The following RAB10 variants were observed in gnomAD, a reference collection of about 807,000 sequenced individuals.
The protein encoded by RAB10 is RAB10, member RAS oncogene family.
A neutral mutation model predicts 25.7 loss-of-function variants in RAB10; 5 were observed. The ratio of observed to expected loss-of-function variants is 0.19; its 90% CI spans 0.10 to 0.41. RAB10 has a LOEUF of 0.41. RAB10 is among the 10% of genes least tolerant of loss of function. RAB10 has a pLI of 1.00. For synonymous variants in RAB10, 89 were observed against 86.4 expected, an observed-to-expected ratio of 1.03 and a Z score of -0.16; for missense variants, 103 against 245.8, an observed-to-expected ratio of 0.42 and a Z score of 3.89.
intron 2 of RAB10, among the ~76,000 whole-genome samples, chr2:26,107,245 CAAAAAAAAAA>C (rs57391958): frequency 7.5e-5 from 5 of 66,812 alleles, no homozygotes; most frequent in Non-Finnish European, 1.6e-4. Context: ...CACCCTGTTT[CAAAAAAAAAA>C]AAAAAAAAAA....
rs1444000428 is a variant in RAB10, at chr2:26,127,200, C to G, written c.384C>G (p.Asp128Glu). 2 of 1,602,660 alleles carry G rather than the reference C, an allele frequency of 1.2e-6. No homozygotes were observed. Among genetic ancestry groups the G allele is most frequent in the Non-Finnish European group, 1.7e-6 (2 of 1,176,486 alleles). ...MLLGNKCDMD[D>E]KRVVPKGKGE... ...TAGGAAACAAGTGTGATATGGACGA[C>G]AAAAGAGTTGTACCTAAAGGAAAAG... Residue 128 changes from aspartate (D) to glutamate (E), a missense_variant, in exon 4 of 6, where the codon GAC becomes GAG. Physicochemically the swap from Asp to Glu is conservative, Grantham distance 45. This residue lies in a region of RAB10 where 79 missense variants were observed against 217.8 expected (regional missense o/e 0.36). Coordinates refer to ENST00000264710, the MANE Select transcript of RAB10 (RefSeq NM_016131.5).
chr2:26,077,180 A>G (rs940781938), intron 1 of RAB10, among the ~76,000 whole-genome samples: 3 of 152,174 alleles, frequency 2.0e-5, no homozygotes, highest in African/African-American at 7.2e-5. Flanking sequence ...AAAGCATTTG[A>G]TTTTTTAAAA....
chr2:26,087,463 C>T (rs1358491251), intron 1 of RAB10, among the ~76,000 whole-genome samples: 3 of 152,216 alleles, frequency 2.0e-5, no homozygotes, highest in African/African-American at 4.8e-5. Context: ...AGTGCAATGG[C>T]GCAATCTCGG....
At position 26,034,529 on chromosome 2, in the gene RAB10, C is replaced by G; in HGVS notation, c.-80C>G. 6.3e-7 allele frequency: 1 copy of G among 1,581,620 alleles called. No individual in the cohort carries two copies. The highest frequency in any genetic ancestry group is 2.2e-5 in the East Asian group (1 of 44,546). On this transcript the variant is annotated 5_prime_UTR_variant, in exon 1 of 6. Transcript: ENST00000264710. Reference sequence around the variant, plus strand: ...TCCCCGGTCCTCCGGCCTGAGAACGCCCGAGTGAGGAGTTGGCCGTAGTGA... The same window carrying G: ...TCCCCGGTCCTCCGGCCTGAGAACGGCCGAGTGAGGAGTTGGCCGTAGTGA...
chr2:26,038,133 G>T (rs568174023), intron 1 of RAB10, among the ~76,000 whole-genome samples: 1 of 151,702 alleles, frequency 6.6e-6, no homozygotes, highest in South Asian at 2.1e-4. Context: ...TGATCTGCCC[G>T]CCTCAGCGTC....
intron 3 of RAB10, among the ~76,000 whole-genome samples, chr2:26,119,620 C>G (rs1027069581): frequency 2.0e-5 from 3 of 151,942 alleles, no homozygotes; most frequent in Non-Finnish European, 2.9e-5. Context: ...CTCCTGAGCT[C>G]AAGCTATCCT....
At chr2:26,064,324 T>C (rs1218893261) in intron 1 of RAB10, among the ~76,000 whole-genome samples, 1 of 152,124 alleles carries the variant, frequency 6.6e-6, no homozygotes, top group African/African-American at 2.4e-5. Context: ...AAAATAGTTT[T>C]TGTAGAGTGT....
chr2:26,088,078 ATT>A (rs2149276341), intron 1 of RAB10, among the ~76,000 whole-genome samples: 1 of 152,276 alleles, frequency 6.6e-6, no homozygotes, highest in South Asian at 2.1e-4. Context: ...AAAACACTTG[ATT>A]TTCACTTGTT....
chr2:26,043,797 A>G (rs540296311), intron 1 of RAB10, among the ~76,000 whole-genome samples: 1 of 152,328 alleles, frequency 6.6e-6, no homozygotes, highest in East Asian at 1.9e-4. Flanking sequence ...GAAGGATGAA[A>G]AAGTTCCAGA....
intron 1 of RAB10, among the ~76,000 whole-genome samples, chr2:26,063,094 G>A (rs925500258): frequency 1.4e-5 from 2 of 143,054 alleles, no homozygotes; most frequent in East Asian, 2.0e-4. Context: ...CACCTTGGGC[G>A]ACAAGAGTGA....
At position 26,127,220 on chromosome 2, in the gene RAB10, G is replaced by C. The variant is rs752026024; in HGVS notation, c.404G>C (p.Gly135Ala). 1.3e-6 allele frequency: 2 copies of C among 1,595,222 alleles called. No individual in the cohort carries two copies. Among genetic ancestry groups the C allele is most frequent in the Non-Finnish European group, 1.7e-6 (2 of 1,171,334 alleles). The change falls in exon 4 of 6, where the codon GGA becomes GCA. Residue 135 changes from glycine to alanine, a missense_variant. Around this residue, in one of 2 missense-constraint regions of RAB10, gnomAD observed 79 missense variants for 217.8 expected, o/e 0.36. Coordinates refer to ENST00000264710, the MANE Select transcript of RAB10 (RefSeq NM_016131.5). ...GACGACAAAAGAGTTGTACCTAAAG[G>C]AAAAGGAGAACAGGTAAAAATCTGA... is the stretch of plus-strand genomic sequence containing the variant. Reference protein sequence around the residue: ...DMDDKRVVPKGKGEQIAREHG... With the variant: ...DMDDKRVVPKAKGEQIAREHG...
intron 1 of RAB10, among the ~76,000 whole-genome samples, chr2:26,054,947 C>A (rs1666222729): frequency 6.6e-6 from 1 of 151,224 alleles, no homozygotes; most frequent in African/African-American, 2.4e-5. Flanking sequence ...CGTCACTGCA[C>A]TGCAGCCTGG....
At chr2:26,117,887 C>A (rs1015492963) in intron 3 of RAB10, among the ~76,000 whole-genome samples, 1 of 152,134 alleles carries the variant, frequency 6.6e-6, no homozygotes, top group Non-Finnish European at 1.5e-5. Flanking sequence ...TTTAGAGAAA[C>A]GTACTTTGGA....
At chr2:26,125,700 A>G (rs1667889734) in intron 3 of RAB10, among the ~76,000 whole-genome samples, 1 of 152,030 alleles carries the variant, frequency 6.6e-6, no homozygotes, top group South Asian at 2.1e-4. Context: ...TTTTCCTGAC[A>G]GCCTCCCAAA....
chr2:26,103,543 TA>T (rs1667387383), intron 2 of RAB10, among the ~76,000 whole-genome samples: 1 of 152,250 alleles, frequency 6.6e-6, no homozygotes, highest in Non-Finnish European at 1.5e-5. Flanking sequence ...TTTTTACTTT[TA>T]TTTTTTTGGA....
intron 3 of RAB10, among the ~76,000 whole-genome samples, chr2:26,111,111 A>G (rs912727827): frequency 3.9e-5 from 6 of 152,148 alleles, no homozygotes; most frequent in Non-Finnish European, 7.4e-5. Context: ...CCTTATTGCT[A>G]CCTTCTAGGC....
intron 1 of RAB10, among the ~76,000 whole-genome samples, chr2:26,035,461 C>T (rs1455439099): frequency 1.3e-5 from 2 of 152,198 alleles, no homozygotes; most frequent in African/African-American, 4.8e-5. Flanking sequence ...CAGTCATAGC[C>T]CTATGGACTT....
chr2:26,124,539 T>C (rs1221635836), intron 3 of RAB10, among the ~76,000 whole-genome samples: 2 of 151,848 alleles, frequency 1.3e-5, no homozygotes, highest in Non-Finnish European at 2.9e-5. Flanking sequence ...GTGTTGGGAT[T>C]ACAGGCATGA....
At chr2:26,033,971 A>C (rs4665299), upstream of RAB10, 322,766 of 397,074 alleles carry the variant, frequency 0.81, 132,000 homozygotes, top group African/African-American at 0.94. Flanking sequence ...GCTTGGAGAC[A>C]GGAGCATTCC....
Sources: allele counts gnomAD v4.1 joint callset (sites outside exome capture counted in the v4.1 genomes callset), GRCh38; gene constraint gnomAD v4.1.1; regional missense constraint gnomAD v4.1.1; transcripts MANE v1.5; gene names NCBI Gene and HGNC (gene_info 2026-07-23, HGNC 2026-07-21).